The following TNFRSF11B variants were observed in gnomAD, a reference collection of about 807,000 sequenced individuals.
TNFRSF11B encodes the protein tumor necrosis factor receptor superfamily member 11B.
TNFRSF11B carries 16 observed loss-of-function variants against 43.4 expected under a neutral mutation model. The ratio of observed to expected loss-of-function variants is 0.37; its 90% CI spans 0.25 to 0.56. The LOEUF is 0.56. TNFRSF11B is among the 20% of genes least tolerant of loss of function. TNFRSF11B has a pLI of 0.80. For synonymous variants in TNFRSF11B, 185 were observed against 181.8 expected (o/e 1.02, Z -0.14); for missense variants, 444 against 490.1 (o/e 0.91, Z 0.89).
intron 1 of TNFRSF11B, among the ~76,000 whole-genome samples, chr8:118,949,177 A>C (rs1204358808): frequency 2.0e-5 from 3 of 152,046 alleles, no homozygotes; most frequent in Non-Finnish European, 2.9e-5. Flanking sequence ...CTGCTTGCCT[A>C]CCAGCATACC....
intron 1 of TNFRSF11B, among the ~76,000 whole-genome samples, chr8:118,935,271 T>C (rs2129901394): frequency 6.6e-6 from 1 of 152,336 alleles, no homozygotes; most frequent in South Asian, 2.1e-4. Context: ...GTGGCAGCTC[T>C]GGTTTGTTCT....
At chr8:118,937,167 C>T (rs1353394929) in intron 1 of TNFRSF11B, among the ~76,000 whole-genome samples, 1 of 152,190 alleles carries the variant, frequency 6.6e-6, no homozygotes, top group East Asian at 1.9e-4. Context: ...ATATCAAATG[C>T]TAGCAGACAA....
At chr8:118,933,566 A>G (rs114746949) in intron 1 of TNFRSF11B, among the ~76,000 whole-genome samples, 108 of 152,306 alleles carry the variant, frequency 7.1e-4, no homozygotes, top group African/African-American at 2.3e-3. Flanking sequence ...TATAACACTT[A>G]GATGCACTGC....
chr8:118,947,961 ATTAC>A (rs964582373), intron 1 of TNFRSF11B, among the ~76,000 whole-genome samples: 16 of 152,234 alleles, frequency 1.1e-4, no homozygotes, highest in Admixed American at 2.6e-4. Context: ...CTTTCTTTTT[ATTAC>A]TTCTTTATAA....
chr8:118,926,487 A>C lies in TNFRSF11B; in HGVS notation c.817+7T>G. On this transcript the variant is annotated splice_region_variant and intron_variant, in intron 4 of 4. Coordinates refer to ENST00000297350, the MANE Select transcript of TNFRSF11B (RefSeq NM_002546.4). ...CTGATTGATCTTTTTATTTTAGATT[A>C]TCATACCTTGGATGATCTTCTTGAC... is the stretch of plus-strand genomic sequence containing the variant. The C allele has an allele frequency of 6.2e-7, 1 of 1,608,928 alleles. No homozygotes were observed. Among genetic ancestry groups the C allele is most frequent in the African/African-American group, 1.3e-5 (1 of 74,940 alleles).
At chr8:118,930,729 C>T in intron 2 of TNFRSF11B, 1 of 450,764 alleles carries the variant, frequency 2.2e-6, no homozygotes, top group Non-Finnish European at 4.5e-6. Context: ...CTTGTTCATT[C>T]TTCAGATACA....
Position 118,924,431 on chromosome 8 carries a change from C to T in TNFRSF11B, c.1149G>A (p.Lys383=). The T allele has an allele frequency of 1.2e-6, 2 of 1,614,126 alleles. No homozygotes were observed. Among genetic ancestry groups the T allele is most frequent in the South Asian group, 1.1e-5 (1 of 91,072 alleles). ...HSFTMYKLYQ[K]LFLEMIGNQV... ...GGTTACCTATCATTTCTAAAAATAA[C>T]TTCTGATACAATTTGTACATTGTGA... Residue 383 remains lysine (K), a synonymous_variant, in exon 5 of 5, where the codon AAG becomes AAA. Transcript: ENST00000297350.
At chr8:118,932,802 C>A (rs1001173056) in intron 2 of TNFRSF11B, 129 bp downstream of exon 2, 4 of 1,184,130 alleles carry the variant, frequency 3.4e-6, no homozygotes, top group Admixed American at 2.0e-5. Context: ...TAGTACCTAC[C>A]TGGCAGGTTT....
chr8:118,923,797 A>G lies in TNFRSF11B; in HGVS notation c.*577T>C, dbSNP rs879475983. The G allele has an allele frequency of 7.2e-5, 11 of 152,810 alleles. No homozygotes were observed. The highest frequency in any genetic ancestry group is 1.5e-4 in the Non-Finnish European group (10 of 68,116). 9.5% of individuals were successfully genotyped at this position (152,810 alleles called of 1,614,324 possible). ...GAAAAATATGGCAGTACCTATTAGA[A>G]AAATGCTACAAACTTTCCATTAAAA... On this transcript the variant is annotated 3_prime_UTR_variant, in exon 5 of 5. Transcript: ENST00000297350.
chr8:118,951,716 C>G, intron 1 of TNFRSF11B, 76 bp downstream of exon 1: 1 of 1,408,806 alleles, frequency 7.1e-7, no homozygotes, highest in Non-Finnish European at 9.8e-7. Flanking sequence ...CCCGCCGGTC[C>G]GCTGGGAGGT....
chr8:118,942,855 CAT>C (rs1812507347), intron 1 of TNFRSF11B, among the ~76,000 whole-genome samples: 1 of 152,080 alleles, frequency 6.6e-6, no homozygotes, highest in African/African-American at 2.4e-5. Flanking sequence ...AGAAGATTGA[CAT>C]ATAAATGGTC....
intron 1 of TNFRSF11B, among the ~76,000 whole-genome samples, chr8:118,942,218 C>G (rs1380549618): frequency 7.8e-5 from 5 of 64,124 alleles, no homozygotes; most frequent in Non-Finnish European, 1.3e-4. Flanking sequence ...TCCCTTCCCC[C>G]TCCCCCCACC....
At chr8:118,944,775 T>C (rs1258910678) in intron 1 of TNFRSF11B, among the ~76,000 whole-genome samples, 2 of 152,138 alleles carry the variant, frequency 1.3e-5, no homozygotes, top group Admixed American at 6.6e-5. Flanking sequence ...AGGTTTGACG[T>C]GTATTCCAAA....
chr8:118,947,671 C>T (rs11573827), intron 1 of TNFRSF11B, among the ~76,000 whole-genome samples: 1,589 of 152,192 alleles, frequency 0.01, 26 homozygotes, highest in African/African-American at 0.035. Flanking sequence ...GTGCTTTTTG[C>T]ATAATTGTTA....
At chr8:118,928,653 A>G (rs1217250712) in intron 3 of TNFRSF11B, 85 bp downstream of exon 3, 3 of 1,441,532 alleles carry the variant, frequency 2.1e-6, no homozygotes, top group Non-Finnish European at 2.9e-6. Flanking sequence ...TTTGACCAAG[A>G]ATGTGGCTGG....
Position 118,926,558 on chromosome 8 carries a change from G to A in TNFRSF11B, c.753C>T (p.Phe251=). 1 of 1,614,062 alleles carries A rather than the reference G, an allele frequency of 6.2e-7. No individual in the cohort carries two copies. The highest frequency in any genetic ancestry group is 1.3e-5 in the African/African-American group (1 of 75,038). ...GATGTTTCCATAACTTCAGCAGCTGGAAAGTCTGTTCTTGTGAGCTGTGTT... is the reference window on the plus strand; with the variant it reads ...GATGTTTCCATAACTTCAGCAGCTGAAAAGTCTGTTCTTGTGAGCTGTGTT... The part of the protein sequence containing the change: ...KRQHSSQEQT[F]QLLKLWKHQN... The change falls in exon 4 of 5, where the codon TTC becomes TTT. Residue 251 remains phenylalanine, a synonymous_variant. Transcript: ENST00000297350.
intron 1 of TNFRSF11B, among the ~76,000 whole-genome samples, chr8:118,941,837 A>T (rs913455918): frequency 5.9e-5 from 9 of 152,146 alleles, no homozygotes; most frequent in Non-Finnish European, 1.2e-4. Context: ...TGGCTCACAG[A>T]TCTTAATATT....
chr8:118,941,807 T>C lies in TNFRSF11B; in HGVS notation c.31-8507A>G, dbSNP rs140425899. On this transcript the variant is annotated intron_variant, in intron 1 of 4. Coordinates refer to ENST00000297350, the MANE Select transcript of TNFRSF11B (RefSeq NM_002546.4). ...TGCTTAAAATTTTCTGAAGAAGATA[T>C]ACGGAAATTGCACATATTTTGGCTC... Among the ~76,000 whole-genome samples the C allele has an allele frequency of 3.3e-5, 5 of 152,302 alleles. No homozygotes were observed. In the East Asian group the frequency reaches 9.6e-4, roughly 29 times the overall value.
intron 1 of TNFRSF11B, among the ~76,000 whole-genome samples, chr8:118,935,645 A>C (rs1252349281): frequency 6.6e-6 from 1 of 152,196 alleles, no homozygotes; most frequent in East Asian, 1.9e-4. Flanking sequence ...CCTATAGTGT[A>C]ATCAATTCTC....
Sources: allele counts gnomAD v4.1 joint callset (sites outside exome capture counted in the v4.1 genomes callset), GRCh38; gene constraint gnomAD v4.1.1; transcripts MANE v1.5; gene names NCBI Gene and HGNC (gene_info 2026-07-23, HGNC 2026-07-21).